Variants in BBOX1 observed in about 807,000 individuals in gnomAD.
BBOX1 encodes gamma-butyrobetaine hydroxylase 1.
In BBOX1, 35 loss-of-function variants were observed where a neutral mutation model predicts 41.6. The ratio of observed to expected loss-of-function variants is 0.84; its 90% CI spans 0.64 to 1.11. The LOEUF is 1.11. Ranked by LOEUF, BBOX1 falls within the 50% of genes most tolerant of loss-of-function variation. The pLI, the probability that BBOX1 is intolerant of heterozygous loss-of-function variation, is 0.00. For missense variants in BBOX1, 458 were observed against 460.6 expected, an observed-to-expected ratio of 0.99 and a Z score of 0.05; for synonymous variants, 163 against 154.7, an observed-to-expected ratio of 1.05 and a Z score of -0.40.
chr11:27,105,230 A>G (rs1858820761), intron 5 of BBOX1, among the ~76,000 whole-genome samples: 1 of 152,198 alleles, frequency 6.6e-6, no homozygotes, highest in Non-Finnish European at 1.5e-5. Context: ...AACGGAACAA[A>G]GCTGGATGGA....
At chr11:27,066,218 T>G (rs1219284721) in intron 4 of BBOX1, among the ~76,000 whole-genome samples, 2 of 152,056 alleles carry the variant, frequency 1.3e-5, no homozygotes. Context: ...GTGTGGTTTT[T>G]TGGTTTTTGT....
At chr11:27,107,639 G>A (rs1040371396) in intron 5 of BBOX1, among the ~76,000 whole-genome samples, 1 of 151,938 alleles carries the variant, frequency 6.6e-6, no homozygotes, top group Non-Finnish European at 1.5e-5. Flanking sequence ...CTAATGAGGG[G>A]TGCATGTAAG....
At chr11:27,065,333 T>C (rs969318328) in intron 4 of BBOX1, among the ~76,000 whole-genome samples, 1 of 152,230 alleles carries the variant, frequency 6.6e-6, no homozygotes, top group African/African-American at 2.4e-5. Flanking sequence ...TTGCTTCATT[T>C]TTCCTCTGTG....
At chr11:27,056,181 T>C (rs867783201) in intron 3 of BBOX1, among the ~76,000 whole-genome samples, 6 of 152,348 alleles carry the variant, frequency 3.9e-5, no homozygotes, top group Non-Finnish European at 5.9e-5. Context: ...ATGTCTATAG[T>C]ACTTGTTATG....
intron 2 of BBOX1, among the ~76,000 whole-genome samples, chr11:27,049,268 T>G (rs1399238315): frequency 6.6e-6 from 1 of 152,170 alleles, no homozygotes; most frequent in Non-Finnish European, 1.5e-5. Context: ...CAATAGTCAT[T>G]CTAACAGATG....
intron 4 of BBOX1, among the ~76,000 whole-genome samples, chr11:27,061,710 C>A (rs1445315): frequency 0.32 from 49,358 of 151,990 alleles, 8,166 homozygotes; most frequent in East Asian, 0.45. Flanking sequence ...CCTTGATCTT[C>A]CCCCTGGCAC....
intron 2 of BBOX1, among the ~76,000 whole-genome samples, chr11:27,048,952 A>G (rs10835107): frequency 1 from 142,356 of 142,432 alleles, 71,141 homozygotes; most frequent in Middle Eastern, 1. Context: ...CTGTGTCCAT[A>G]TATTCTCATT....
intron 4 of BBOX1, among the ~76,000 whole-genome samples, chr11:27,077,641 AAC>A (rs1462850927): frequency 1.8e-4 from 28 of 151,828 alleles, no homozygotes; most frequent in South Asian, 8.3e-4. Context: ...AAACCAAAAA[AAC>A]AGTTTTCTTG....
intron 4 of BBOX1, among the ~76,000 whole-genome samples, chr11:27,091,597 A>G (rs2134039323): frequency 6.6e-6 from 1 of 152,006 alleles, no homozygotes; most frequent in Admixed American, 6.6e-5. Context: ...GTTAATATTA[A>G]ATTCTAAGGT....
At chr11:27,082,740 C>A (rs904286609) in intron 4 of BBOX1, among the ~76,000 whole-genome samples, 24 of 152,240 alleles carry the variant, frequency 1.6e-4, no homozygotes, top group African/African-American at 5.8e-4. Context: ...TGCATGAAAT[C>A]ATAAGTGCTC....
chr11:27,090,843 A>G (rs904106946), intron 4 of BBOX1, among the ~76,000 whole-genome samples: 3 of 151,870 alleles, frequency 2.0e-5, no homozygotes, highest in Non-Finnish European at 2.9e-5. Context: ...GGGTATTAAT[A>G]TTAATATTCC....
intron 4 of BBOX1, among the ~76,000 whole-genome samples, chr11:27,065,191 T>C (rs980546380): frequency 2.0e-5 from 3 of 152,196 alleles, no homozygotes; most frequent in Non-Finnish European, 4.4e-5. Flanking sequence ...ATCAGATCTC[T>C]TTCATTGCCA....
At chr11:27,069,393 A>T (rs1857377865) in intron 4 of BBOX1, among the ~76,000 whole-genome samples, 1 of 152,042 alleles carries the variant, frequency 6.6e-6, no homozygotes, top group African/African-American at 2.4e-5. Flanking sequence ...TTGGTATAGT[A>T]GTGCTACTGA....
chr11:27,125,409 T>G (rs1415470891), intron 7 of BBOX1, among the ~76,000 whole-genome samples: 1 of 152,114 alleles, frequency 6.6e-6, no homozygotes, highest in African/African-American at 2.4e-5. Flanking sequence ...CTCTCAGTAA[T>G]ACTTATTTTA....
intron 4 of BBOX1, chr11:27,062,941 A>C (rs1857174483): frequency 6.6e-6 from 1 of 152,232 alleles, no homozygotes. Context: ...ACCCCACAAA[A>C]GAGAGTGAAG....
chr11:27,081,699 A>G (rs1473685915), intron 4 of BBOX1, among the ~76,000 whole-genome samples: 1 of 152,110 alleles, frequency 6.6e-6, no homozygotes, highest in African/African-American at 2.4e-5. Flanking sequence ...TGATTTCTCC[A>G]CATCCTCTCT....
intron 5 of BBOX1, among the ~76,000 whole-genome samples, chr11:27,110,607 G>A (rs998592561): frequency 1.2e-4 from 18 of 151,786 alleles, no homozygotes; most frequent in Admixed American, 6.6e-4. Context: ...TTTTGTTTGG[G>A]TTTCTGTGGG....
At chr11:27,051,593 T>G (rs1404829042) in intron 2 of BBOX1, among the ~76,000 whole-genome samples, 2 of 152,046 alleles carry the variant, frequency 1.3e-5, no homozygotes, top group Non-Finnish European at 2.9e-5. Context: ...TCTAGATTAT[T>G]CAATTATTGG....
intron 4 of BBOX1, chr11:27,066,544 A>G (rs1009213435): frequency 1.0e-5 from 1 of 96,958 alleles, no homozygotes; most frequent in Non-Finnish European, 2.5e-5. Flanking sequence ...AGAATTACAC[A>G]GCGTTAGGTT....
Sources: gnomAD v4.1 joint callset for allele counts (sites outside exome capture counted in the v4.1 genomes callset) on GRCh38, gnomAD v4.1.1 for gene constraint, MANE v1.5 for transcripts, NCBI Gene and HGNC (gene_info 2026-07-23, HGNC 2026-07-21) for gene names.